NRXN3: variants seen among roughly 807,000 people sequenced by gnomAD.
The protein encoded by NRXN3 is neurexin III.
Under a neutral mutation model 137.6 loss-of-function variants are expected in NRXN3, and 32 were observed. The observed-to-expected ratio is 0.23, with a 90% CI of 0.18 to 0.31. NRXN3 has a LOEUF of 0.31. NRXN3 is among the 10% of genes least tolerant of loss of function. The pLI is 1.00. For synonymous variants in NRXN3, 798 were observed against 784.5 expected, an observed-to-expected ratio of 1.02 and a Z score of -0.29; for missense variants, 1,574 against 2,062.5, an observed-to-expected ratio of 0.76 and a Z score of 4.59.
chr14:78,419,516 T>C (rs2093329197), intron 4 of NRXN3, among the ~76,000 whole-genome samples: 1 of 152,234 alleles, frequency 6.6e-6, no homozygotes. Context: ...TAGTCCAACT[T>C]TTAAATTTTG....
intron 4 of NRXN3, among the ~76,000 whole-genome samples, chr14:78,442,022 G>A (rs2094268937): frequency 6.6e-6 from 1 of 151,526 alleles, no homozygotes; most frequent in Admixed American, 6.6e-5. Flanking sequence ...TGTGAACTCA[G>A]GAGGTGGAGC....
At chr14:78,418,585 A>G (rs2093276541) in intron 4 of NRXN3, among the ~76,000 whole-genome samples, 1 of 152,196 alleles carries the variant, frequency 6.6e-6, no homozygotes, top group Admixed American at 6.5e-5. Context: ...GAAACATGTC[A>G]GAGTGTGCCT....
chr14:78,434,510 C>G (rs1029979662), intron 4 of NRXN3, among the ~76,000 whole-genome samples: 1 of 152,124 alleles, frequency 6.6e-6, no homozygotes, highest in Admixed American at 6.5e-5. Flanking sequence ...GGGTTTAGGA[C>G]TTCAGCATAT....
chr14:79,104,935 A>C (rs2052097277), intron 15 of NRXN3, among the ~76,000 whole-genome samples: 1 of 152,034 alleles, frequency 6.6e-6, no homozygotes. Flanking sequence ...TTATTTTGCC[A>C]ACACTCATTC....
At chr14:79,502,774 G>A (rs962092197) in intron 16 of NRXN3, among the ~76,000 whole-genome samples, 2 of 151,918 alleles carry the variant, frequency 1.3e-5, no homozygotes, top group Non-Finnish European at 2.9e-5. Flanking sequence ...CTGGTTCTCA[G>A]ACCTTTTCTG....
chr14:78,430,525 C>G (rs2024332), intron 4 of NRXN3, among the ~76,000 whole-genome samples: 24,830 of 152,142 alleles, frequency 0.16, 3,394 homozygotes, highest in African/African-American at 0.37. Flanking sequence ...TTTATAAATA[C>G]TAGTCCAGTG....
At chr14:78,878,931 A>T (rs911013930) in intron 10 of NRXN3, among the ~76,000 whole-genome samples, 16 of 151,906 alleles carry the variant, frequency 1.1e-4, no homozygotes, top group African/African-American at 3.9e-4. Flanking sequence ...TTTAGATTTC[A>T]TATATAAGCG....
At chr14:78,352,592 A>G (rs2083698136) in intron 4 of NRXN3, among the ~76,000 whole-genome samples, 1 of 152,074 alleles carries the variant, frequency 6.6e-6, no homozygotes, top group East Asian at 1.9e-4. Flanking sequence ...TTTACCCTCC[A>G]CACTGTCAAC....
chr14:78,890,669 A>T (rs1567623122), intron 10 of NRXN3, among the ~76,000 whole-genome samples: 1 of 151,934 alleles, frequency 6.6e-6, no homozygotes, highest in African/African-American at 2.4e-5. Flanking sequence ...CATAAGTAAT[A>T]ATATTGTAAT....
At chr14:78,569,402 A>G (rs528264480) in intron 4 of NRXN3, among the ~76,000 whole-genome samples, 308 of 150,460 alleles carry the variant, frequency 2.0e-3, no homozygotes, top group African/African-American at 7.0e-3. Context: ...AGTAGCTGGG[A>G]CTACAGGTGC....
intron 15 of NRXN3, among the ~76,000 whole-genome samples, chr14:79,099,222 C>A (rs562497726): frequency 1.3e-5 from 2 of 152,208 alleles, no homozygotes; most frequent in South Asian, 4.2e-4. Flanking sequence ...AGTGTATAAG[C>A]AGAGTTTGCT....
chr14:78,527,694 G>A (rs955437299), intron 4 of NRXN3, among the ~76,000 whole-genome samples: 1 of 152,110 alleles, frequency 6.6e-6, no homozygotes, highest in African/African-American at 2.4e-5. Context: ...GAGGCAAATA[G>A]GAGAATTAAA....
At chr14:78,496,302 A>T (rs1300663309) in intron 4 of NRXN3, among the ~76,000 whole-genome samples, 1 of 152,214 alleles carries the variant, frequency 6.6e-6, no homozygotes, top group African/African-American at 2.4e-5. Flanking sequence ...AAATTTCTTC[A>T]GACTTTGATT....
chr14:78,404,506 A>G (rs1598304562), intron 4 of NRXN3, among the ~76,000 whole-genome samples: 1 of 152,148 alleles, frequency 6.6e-6, no homozygotes, highest in Non-Finnish European at 1.5e-5. Context: ...GGGCAAGGGA[A>G]TGTCCAAGGA....
At chr14:79,669,893 C>A (rs894044647) in intron 17 of NRXN3, among the ~76,000 whole-genome samples, 3 of 151,916 alleles carry the variant, frequency 2.0e-5, no homozygotes, top group African/African-American at 7.3e-5. Context: ...AAAAAAAGCT[C>A]CTAAGGTGAT....
chr14:79,202,680 C>T (rs954273667), intron 15 of NRXN3, among the ~76,000 whole-genome samples: 3 of 152,156 alleles, frequency 2.0e-5, no homozygotes, highest in Non-Finnish European at 4.4e-5. Flanking sequence ...AGTCTCCAAA[C>T]TCATCCAGGT....
intron 10 of NRXN3, among the ~76,000 whole-genome samples, chr14:78,889,505 G>T (rs2099153107): frequency 6.6e-6 from 1 of 151,928 alleles, no homozygotes; most frequent in African/African-American, 2.4e-5. Context: ...TTTGGGAATG[G>T]CTACCTCTCA....
intron 4 of NRXN3, among the ~76,000 whole-genome samples, chr14:78,373,600 TA>T (rs1708734125): frequency 6.6e-6 from 1 of 152,166 alleles, no homozygotes; most frequent in South Asian, 2.1e-4. Flanking sequence ...GGATGGAACA[TA>T]GATAGATAGT....
At chr14:78,908,256 G>A (rs977418603) in intron 10 of NRXN3, among the ~76,000 whole-genome samples, 2 of 152,010 alleles carry the variant, frequency 1.3e-5, no homozygotes, top group Admixed American at 6.6e-5. Flanking sequence ...GAAACAAGTA[G>A]TGTAGAGTTG....
Sources: gnomAD v4.1 joint callset for allele counts (sites outside exome capture counted in the v4.1 genomes callset) on GRCh38, gnomAD v4.1.1 for gene constraint, MANE v1.5 for transcripts, NCBI Gene and HGNC (gene_info 2026-07-23, HGNC 2026-07-21) for gene names.